DPH5: variants seen among roughly 807,000 people sequenced by gnomAD.
The protein encoded by DPH5 is diphthamide biosynthesis 5.
A neutral mutation model predicts 31.6 loss-of-function variants in DPH5; 31 were observed. The observed-to-expected ratio is 0.98, with a 90% confidence interval of 0.74 to 1.32. The LOEUF is 1.32. DPH5 is among the 40% of genes most tolerant of loss of function. The probability of loss-of-function intolerance (pLI) is 0.00; values close to 1 mark genes in which losing one functional copy is unlikely to be tolerated. For synonymous variants in DPH5, 120 were observed against 115.0 expected (o/e 1.04, Z -0.28); for missense variants, 309 against 335.7 (o/e 0.92, Z 0.62).
chr1:101,025,666 T>G lies in DPH5; in HGVS notation c.-24+17A>C. 1.8e-6 allele frequency: 1 copy of G among 554,388 alleles called. No homozygotes were observed. The highest frequency in any genetic ancestry group is 3.2e-6 in the Non-Finnish European group (1 of 312,572). 34.3% of individuals were successfully genotyped at this position (554,388 alleles called of 1,614,324 possible). A position where few individuals can be genotyped will look rare whatever the true frequency, so the allele number is the denominator to read the frequency against. On this transcript the variant is annotated intron_variant, in intron 1 of 7. Transcript: ENST00000370109. ...AGTTTTGCCTCTTGTTACACAAACC[T>G]AGGAGCAGCCAATTACCCGCTGAGA...
Position 100,995,105 on chromosome 1 carries a change from C to T in DPH5, c.530+5G>A. On this transcript the variant is annotated splice_donor_5th_base_variant and intron_variant, in intron 6 of 7. Transcript: ENST00000370109. ...CATGTATGCATTCTCAGAATAATAA[C>T]TTACTTGATTAGATTTTCCAAAGAC... The T allele has an allele frequency of 1.3e-6, 2 of 1,566,984 alleles. No individual in the cohort carries two copies. Among genetic ancestry groups the T allele is most frequent in the Non-Finnish European group, 1.8e-6 (2 of 1,138,442 alleles).
intron 4 of DPH5, among the ~76,000 whole-genome samples, chr1:101,012,642 G>A (rs537287100): frequency 6.6e-6 from 1 of 152,288 alleles, no homozygotes; most frequent in African/African-American, 2.4e-5. Flanking sequence ...AGACTTGAAT[G>A]GGCAAGGTTT....
rs72736212 is a variant in DPH5, at chr1:101,013,248, T to C, written c.369+462A>G. ...CTCTAACCCCTCAGAACCAAGACTG[T>C]TGGACACAAAAATAACTAACTTTAC... On this transcript the variant is annotated intron_variant, in intron 4 of 7. Coordinates refer to ENST00000370109, the MANE Select transcript of DPH5 (RefSeq NM_015958.3). 5.9e-3 allele frequency among the ~76,000 whole-genome samples: 899 copies of C among 152,286 alleles called. 8 individuals are homozygous for C. Among genetic ancestry groups the C allele is most frequent in the African/African-American group, 0.018 (747 of 41,554 alleles).
chr1:100,998,582 T>C (rs1314344516), intron 5 of DPH5, among the ~76,000 whole-genome samples: 2 of 152,030 alleles, frequency 1.3e-5, no homozygotes, highest in African/African-American at 4.8e-5. Flanking sequence ...AGTTAAAGAT[T>C]TTCTGTGCCA....
chr1:100,997,526 C>T (rs868015603), intron 5 of DPH5, among the ~76,000 whole-genome samples: 6 of 136,794 alleles, frequency 4.4e-5, no homozygotes, highest in Middle Eastern at 3.7e-3. Flanking sequence ...CCACCACGCC[C>T]GGCTAATTTT....
intron 2 of DPH5, 115 bp from the exon 3 acceptor site, chr1:101,021,880 A>G (rs1434057996): frequency 1.8e-6 from 2 of 1,103,754 alleles, no homozygotes; most frequent in South Asian, 1.8e-5. Context: ...GGACTGGTGC[A>G]TATGTTGGCA....
chr1:101,020,939 T>G (rs1411545667), intron 3 of DPH5, among the ~76,000 whole-genome samples: 1 of 152,180 alleles, frequency 6.6e-6, no homozygotes, highest in African/African-American at 2.4e-5. Context: ...CCTGCAAAAG[T>G]TTACCACTGT....
At chr1:101,018,502 G>A (rs1481208757) in intron 3 of DPH5, among the ~76,000 whole-genome samples, 1 of 152,104 alleles carries the variant, frequency 6.6e-6, no homozygotes, top group East Asian at 1.9e-4. Context: ...GCCTCCCAAA[G>A]TTGCTGGGAT....
intron 3 of DPH5, among the ~76,000 whole-genome samples, chr1:101,019,200 A>G (rs2101288603): frequency 6.6e-6 from 1 of 152,322 alleles, no homozygotes; most frequent in African/African-American, 2.4e-5. Context: ...ATTAAGTTCT[A>G]TTGATTTAGT....
At chr1:101,004,207 A>C (rs1659063993) in intron 4 of DPH5, among the ~76,000 whole-genome samples, 1 of 152,214 alleles carries the variant, frequency 6.6e-6, no homozygotes, top group African/African-American at 2.4e-5. Flanking sequence ...AAACTTCTTC[A>C]GTGAATCCTG....
chr1:101,008,119 G>A (rs1006440373), intron 4 of DPH5, among the ~76,000 whole-genome samples: 3 of 152,146 alleles, frequency 2.0e-5, no homozygotes, highest in Non-Finnish European at 4.4e-5. Flanking sequence ...AAAAGAGGCT[G>A]GCTTTTTGGC....
intron 4 of DPH5, among the ~76,000 whole-genome samples, chr1:101,006,682 G>T (rs1313378453): frequency 6.6e-6 from 1 of 151,962 alleles, no homozygotes; most frequent in Non-Finnish European, 1.5e-5. Context: ...GAAAAGTAAC[G>T]ATAAGAATCA....
intron 7 of DPH5, 123 bp downstream of exon 7, chr1:100,992,514 G>T: frequency 1.6e-6 from 1 of 621,056 alleles, no homozygotes; most frequent in Non-Finnish European, 2.6e-6. Flanking sequence ...AAAATGACAA[G>T]AAATAGTACA....
At chr1:100,991,092 C>A (rs1009257872) in intron 7 of DPH5, among the ~76,000 whole-genome samples, 1 of 151,864 alleles carries the variant, frequency 6.6e-6, no homozygotes, top group Non-Finnish European at 1.5e-5. Flanking sequence ...GTGTGATAAA[C>A]TTCAGTTTTC....
Position 101,001,427 on chromosome 1 carries a change from G to C in DPH5, c.490+40C>G. ...AAATCAAAATGAGAACAGTATGATA[G>C]TTCCATATTGTTACTTCAAGGAAAT... On this transcript the variant is annotated intron_variant, in intron 5 of 7. Transcript: ENST00000370109. 4 of 1,588,400 alleles carry C rather than the reference G, an allele frequency of 2.5e-6. No homozygotes were observed. In the African/African-American group the frequency reaches 4.1e-5, roughly 16 times the overall value.
intron 3 of DPH5, among the ~76,000 whole-genome samples, chr1:101,021,179 A>G (rs1041421048): frequency 6.6e-6 from 1 of 152,226 alleles, no homozygotes; most frequent in African/African-American, 2.4e-5. Context: ...TTGATAAATG[A>G]TAAATTCAAG....
At chr1:101,018,414 T>A (rs1660230709) in intron 3 of DPH5, among the ~76,000 whole-genome samples, 1 of 152,070 alleles carries the variant, frequency 6.6e-6, no homozygotes, top group Admixed American at 6.5e-5. Context: ...CTTTTTTGTA[T>A]TTTTAGTAGA....
At chr1:101,000,797 A>G (rs1658801916) in intron 5 of DPH5, among the ~76,000 whole-genome samples, 1 of 152,264 alleles carries the variant, frequency 6.6e-6, no homozygotes, top group African/African-American at 2.4e-5. Context: ...TCTGCTAGAA[A>G]GAAAACACCA....
At chr1:101,015,805 A>G (rs1390904533) in intron 3 of DPH5, among the ~76,000 whole-genome samples, 3 of 152,188 alleles carry the variant, frequency 2.0e-5, no homozygotes, top group Admixed American at 6.5e-5. Context: ...TATAGAGACA[A>G]CTTTTTTCCT....
Sources: allele counts gnomAD v4.1 joint callset (sites outside exome capture counted in the v4.1 genomes callset), GRCh38; gene constraint gnomAD v4.1.1; transcripts MANE v1.5; gene names NCBI Gene and HGNC (gene_info 2026-07-23, HGNC 2026-07-21).